Variants in ATXN7L1 observed in about 807,000 individuals in gnomAD.
ATXN7L1 encodes the protein ataxin-7-like protein 1.
In ATXN7L1, 15 loss-of-function variants were observed where a neutral mutation model predicts 70.8. The ratio of observed to expected loss-of-function variants is 0.21; its 90% CI spans 0.14 to 0.33. The LOEUF (loss-of-function observed/expected upper bound fraction) is 0.33. Ranked by LOEUF, ATXN7L1 falls within the 10% of genes least tolerant of loss-of-function variation. ATXN7L1 has a pLI of 1.00. For synonymous variants in ATXN7L1, 440 were observed against 445.1 expected, an observed-to-expected ratio of 0.99 and a Z score of 0.14; for missense variants, 975 against 1,097.1, an observed-to-expected ratio of 0.89 and a Z score of 1.57.
intron 3 of ATXN7L1, among the ~76,000 whole-genome samples, chr7:105,696,870 T>G (rs1043606595): frequency 1.3e-5 from 2 of 152,060 alleles, no homozygotes; most frequent in Non-Finnish European, 2.9e-5. Context: ...GCTTGAGAAA[T>G]AAAAGGACAG....
intron 2 of ATXN7L1, among the ~76,000 whole-genome samples, chr7:105,861,276 TGAG>T (rs1399904763): frequency 1.3e-5 from 2 of 152,132 alleles, no homozygotes; most frequent in Non-Finnish European, 2.9e-5. Flanking sequence ...GGTTTTCACT[TGAG>T]GAACAAACTG....
chr7:105,691,855 T>C (rs564032717), intron 3 of ATXN7L1, among the ~76,000 whole-genome samples: 1 of 152,206 alleles, frequency 6.6e-6, no homozygotes, highest in African/African-American at 2.4e-5. Context: ...GCCAACTGTT[T>C]TGACTACACG....
At chr7:105,671,726 C>G (rs190984215) in intron 3 of ATXN7L1, among the ~76,000 whole-genome samples, 2 of 151,458 alleles carry the variant, frequency 1.3e-5, no homozygotes, top group Admixed American at 1.3e-4. Context: ...TGAAACCCTG[C>G]TTCTACAAAA....
At chr7:105,848,044 C>G (rs185414319) in intron 2 of ATXN7L1, among the ~76,000 whole-genome samples, 1 of 152,114 alleles carries the variant, frequency 6.6e-6, no homozygotes, top group African/African-American at 2.4e-5. Context: ...ATAGAGGGCT[C>G]TTAGAAAACA....
chr7:105,652,353 T>C (rs775136350), intron 4 of ATXN7L1, among the ~76,000 whole-genome samples: 1 of 151,996 alleles, frequency 6.6e-6, no homozygotes, highest in Non-Finnish European at 1.5e-5. Context: ...TTCACATCAA[T>C]AAGGAAATGG....
intron 2 of ATXN7L1, among the ~76,000 whole-genome samples, chr7:105,789,691 C>T (rs530765032): frequency 1.0e-3 from 158 of 152,190 alleles, no homozygotes; most frequent in Non-Finnish European, 1.6e-3. Flanking sequence ...GTGAGGCTGG[C>T]CAGGCCCAGA....
At chr7:105,628,585 C>T (rs1037921228) in intron 7 of ATXN7L1, among the ~76,000 whole-genome samples, 1 of 151,426 alleles carries the variant, frequency 6.6e-6, no homozygotes, top group Non-Finnish European at 1.5e-5. Context: ...GTCAGGAGAT[C>T]GAGACCATCC....
At chr7:105,613,466 C>T in intron 10 of ATXN7L1, 1 of 1,084,078 alleles carries the variant, frequency 9.2e-7, no homozygotes. Flanking sequence ...CAGATCAGAT[C>T]AAACCTCTTA....
At chr7:105,663,040 C>T (rs901977243) in intron 4 of ATXN7L1, among the ~76,000 whole-genome samples, 2 of 152,190 alleles carry the variant, frequency 1.3e-5, no homozygotes, top group Non-Finnish European at 2.9e-5. Flanking sequence ...GGTCACCCAG[C>T]TGAAATTTGT....
intron 3 of ATXN7L1, among the ~76,000 whole-genome samples, chr7:105,722,615 A>T (rs1795324952): frequency 7.9e-6 from 1 of 126,876 alleles, no homozygotes; most frequent in Non-Finnish European, 1.6e-5. Context: ...GCTGTGGCTT[A>T]CGCCTGTAAT....
At chr7:105,699,240 C>G (rs1222119574) in intron 3 of ATXN7L1, among the ~76,000 whole-genome samples, 1 of 151,994 alleles carries the variant, frequency 6.6e-6, no homozygotes, top group Admixed American at 6.6e-5. Flanking sequence ...TCAAGTGATT[C>G]TCCTTCCTCA....
chr7:105,800,014 G>C (rs1806578858), intron 2 of ATXN7L1, among the ~76,000 whole-genome samples: 1 of 152,184 alleles, frequency 6.6e-6, no homozygotes, highest in African/African-American at 2.4e-5. Flanking sequence ...GGCCCCTCAA[G>C]CCAGTCGTAT....
At chr7:105,654,336 A>T (rs533488466) in intron 4 of ATXN7L1, among the ~76,000 whole-genome samples, 1 of 152,372 alleles carries the variant, frequency 6.6e-6, no homozygotes, top group East Asian at 1.9e-4. Flanking sequence ...CCTACCATGC[A>T]TGAGCAGTGA....
At chr7:105,790,911 T>C (rs1805131785) in intron 2 of ATXN7L1, among the ~76,000 whole-genome samples, 1 of 152,132 alleles carries the variant, frequency 6.6e-6, no homozygotes, top group South Asian at 2.1e-4. Context: ...CAAGCCTTCA[T>C]CTGCTAGGTT....
intron 3 of ATXN7L1, among the ~76,000 whole-genome samples, chr7:105,692,411 T>TTCCTTCCTTCCTTCCTTCCCTCCC (rs1554431635): frequency 5.0e-5 from 6 of 119,416 alleles, no homozygotes; most frequent in Non-Finnish European, 7.1e-5. Flanking sequence ...CCTTCCTTCC[T>TTCCTTCCTTCCTTCCTTCCCTCCC]TCCTTCCTTC....
intron 7 of ATXN7L1, among the ~76,000 whole-genome samples, chr7:105,635,059 A>G (rs1797159015): frequency 6.6e-6 from 1 of 152,162 alleles, no homozygotes; most frequent in Non-Finnish European, 1.5e-5. Flanking sequence ...CTGTCTCCAC[A>G]CTGCCCTCGT....
At chr7:105,823,676 A>C (rs1286860056) in intron 2 of ATXN7L1, among the ~76,000 whole-genome samples, 2 of 152,152 alleles carry the variant, frequency 1.3e-5, no homozygotes. Flanking sequence ...ACACCCCTAA[A>C]ATGATGGTAA....
intron 2 of ATXN7L1, among the ~76,000 whole-genome samples, chr7:105,854,468 T>C (rs1228143494): frequency 1.9e-4 from 8 of 41,434 alleles, no homozygotes; most frequent in African/African-American, 3.7e-4. Context: ...GAAAATTAGC[T>C]CTGAAAAAAA....
chr7:105,701,843 T>C (rs1283116812), intron 3 of ATXN7L1, among the ~76,000 whole-genome samples: 2 of 152,214 alleles, frequency 1.3e-5, no homozygotes, highest in Non-Finnish European at 2.9e-5. Flanking sequence ...TAGCTGGGAA[T>C]ACAAGCATGA....
Sources: allele counts gnomAD v4.1 joint callset (sites outside exome capture counted in the v4.1 genomes callset), GRCh38; gene constraint gnomAD v4.1.1; transcripts MANE v1.5; gene names NCBI Gene and HGNC (gene_info 2026-07-23, HGNC 2026-07-21).